ADGRL3: variants seen among roughly 807,000 people sequenced by gnomAD.
ADGRL3 encodes calcium-independent alpha-latrotoxin receptor 3.
A neutral mutation model predicts 153.5 loss-of-function variants in ADGRL3; 62 were observed. The ratio of observed to expected loss-of-function variants is 0.40; its 90% CI spans 0.33 to 0.50. The LOEUF (loss-of-function observed/expected upper bound fraction) is 0.50. Among genes scored for constraint, ADGRL3 ranks in the 20% least tolerant of loss-of-function variants. The pLI is 0.47. For synonymous variants in ADGRL3, 710 were observed against 672.5 expected (o/e 1.06, Z -0.86); for missense variants, 1,641 against 1,859.4 (o/e 0.88, Z 2.16).
chr4:61,761,623 G>A (rs1234901594), intron 8 of ADGRL3, among the ~76,000 whole-genome samples: 3 of 151,908 alleles, frequency 2.0e-5, no homozygotes, highest in Admixed American at 6.6e-5. Flanking sequence ...GCAAGATCCC[G>A]TCTCTACACA....
At chr4:61,549,131 C>G (rs1438054346) in intron 4 of ADGRL3, among the ~76,000 whole-genome samples, 2 of 151,844 alleles carry the variant, frequency 1.3e-5, no homozygotes, top group African/African-American at 4.8e-5. Context: ...TGATTTGGCT[C>G]TCAGCTTGAA....
chr4:61,216,776 A>C (rs1365985760), intron 1 of ADGRL3, among the ~76,000 whole-genome samples: 1 of 152,222 alleles, frequency 6.6e-6, no homozygotes, highest in African/African-American at 2.4e-5. Flanking sequence ...TGGAAAAGTT[A>C]CTTCACTTCT....
chr4:61,844,576 A>AAAATATATG (rs2098089494), intron 9 of ADGRL3, among the ~76,000 whole-genome samples: 5 of 9,464 alleles, frequency 5.3e-4, no homozygotes, highest in Non-Finnish European at 1.0e-3. Flanking sequence ...AAAAAAAAAA[A>AAAATATATG]TATATATATA....
At chr4:61,838,494 A>C (rs2097971963) in intron 9 of ADGRL3, among the ~76,000 whole-genome samples, 1 of 152,266 alleles carries the variant, frequency 6.6e-6, no homozygotes, top group East Asian at 1.9e-4. Flanking sequence ...TCATTCTTCT[A>C]TTTGTTAGAA....
At chr4:61,780,107 A>G (rs1438380430) in intron 8 of ADGRL3, among the ~76,000 whole-genome samples, 1 of 152,184 alleles carries the variant, frequency 6.6e-6, no homozygotes. Flanking sequence ...GTGGAGCAAT[A>G]TATATATACT....
At chr4:61,988,879 A>C (rs2099094716) in intron 19 of ADGRL3, among the ~76,000 whole-genome samples, 1 of 152,154 alleles carries the variant, frequency 6.6e-6, no homozygotes, top group Admixed American at 6.5e-5. Context: ...AACATTTATA[A>C]TTGATAAGAA....
chr4:61,693,817 A>G (rs2095584068), intron 6 of ADGRL3, among the ~76,000 whole-genome samples: 1 of 152,194 alleles, frequency 6.6e-6, no homozygotes, highest in African/African-American at 2.4e-5. Flanking sequence ...GAAATTTGGT[A>G]AAGACTATCT....
intron 11 of ADGRL3, among the ~76,000 whole-genome samples, chr4:61,908,105 C>A (rs2098704542): frequency 6.6e-6 from 1 of 151,846 alleles, no homozygotes; most frequent in Non-Finnish European, 1.5e-5. Context: ...GGAGCCCCAT[C>A]TCTACAAAAC....
chr4:61,403,150 G>A (rs1189810147), intron 2 of ADGRL3, among the ~76,000 whole-genome samples: 2 of 151,994 alleles, frequency 1.3e-5, no homozygotes, highest in Admixed American at 6.6e-5. Flanking sequence ...AACACAATAA[G>A]ATATACATAT....
chr4:61,429,552 C>T (rs10517535), intron 2 of ADGRL3, among the ~76,000 whole-genome samples: 1 of 151,842 alleles, frequency 6.6e-6, no homozygotes, highest in African/African-American at 2.4e-5. Context: ...GTAGCTTAGA[C>T]TTGGAGGAAA....
intron 2 of ADGRL3, among the ~76,000 whole-genome samples, chr4:61,460,643 GT>G (rs1351343811): frequency 6.6e-6 from 1 of 152,096 alleles, no homozygotes; most frequent in Non-Finnish European, 1.5e-5. Context: ...AGAAAAAGGG[GT>G]TTAGTATACT....
intron 2 of ADGRL3, among the ~76,000 whole-genome samples, chr4:61,482,507 G>C (rs1414903266): frequency 6.6e-6 from 1 of 152,040 alleles, no homozygotes; most frequent in East Asian, 1.9e-4. Context: ...GTGGAACCTA[G>C]GTGCTCCTGA....
intron 8 of ADGRL3, among the ~76,000 whole-genome samples, chr4:61,752,796 T>C (rs1467971205): frequency 2.6e-5 from 4 of 152,158 alleles, no homozygotes; most frequent in Middle Eastern, 3.4e-3. Context: ...TACCAGAGCA[T>C]GCTGGCATTC....
At chr4:61,415,506 T>A (rs886854279) in intron 2 of ADGRL3, among the ~76,000 whole-genome samples, 25 of 152,062 alleles carry the variant, frequency 1.6e-4, no homozygotes, top group Non-Finnish European at 3.2e-4. Flanking sequence ...AACAACAATG[T>A]TATGATCTTT....
rs79242230 is a variant in ADGRL3 at position 61,976,279 on chromosome 4, G to A, written c.2806-3284G>A. On this transcript the variant is annotated intron_variant, in intron 17 of 26. Coordinates refer to ENST00000683033, the MANE Select transcript of ADGRL3 (RefSeq NM_001387552.1). ...CACATTGGTACAACTATACCTAGGA[G>A]TTTAATTCAACTGGTCTTCCTCTTG... Among the ~76,000 whole-genome samples, 13 of 152,258 alleles carry A rather than the reference G, an allele frequency of 8.5e-5. No homozygotes were observed. In the East Asian group the frequency reaches 2.3e-3, roughly 27 times the overall value.
chr4:61,458,062 GTA>G (rs1200678334), intron 2 of ADGRL3, among the ~76,000 whole-genome samples: 1 of 151,770 alleles, frequency 6.6e-6, no homozygotes, highest in Non-Finnish European at 1.5e-5. Flanking sequence ...TTTGGAGTTA[GTA>G]TGTTTGCAGA....
chr4:61,985,798 C>T (rs919213640), intron 19 of ADGRL3, among the ~76,000 whole-genome samples: 1 of 151,770 alleles, frequency 6.6e-6, no homozygotes, highest in Non-Finnish European at 1.5e-5. Context: ...AACCATTTGT[C>T]TAAATATGCC....
At chr4:61,640,221 C>T (rs2093604160) in intron 5 of ADGRL3, among the ~76,000 whole-genome samples, 2 of 136,406 alleles carry the variant, frequency 1.5e-5, no homozygotes, top group Admixed American at 7.5e-5. Flanking sequence ...AGTATGTTTT[C>T]ATTTTGAATA....
rs181330496 is a variant in ADGRL3, at chr4:61,717,748, A to G, written c.584-12874A>G. Among the ~76,000 whole-genome samples, 519 of 152,214 alleles carry G rather than the reference A, an allele frequency of 3.4e-3. 3 individuals are homozygous for G. The highest frequency in any genetic ancestry group is 0.012 in the African/African-American group (493 of 41,530). ...TTTCATTATTTAAAAATGTAGCATA[A>G]TGGGGCTGGGCATTGTGGCTGACAC... On this transcript the variant is annotated intron_variant, in intron 6 of 26. Coordinates refer to ENST00000683033, the MANE Select transcript of ADGRL3 (RefSeq NM_001387552.1).
Sources: allele counts gnomAD v4.1 joint callset (sites outside exome capture counted in the v4.1 genomes callset), GRCh38; gene constraint gnomAD v4.1.1; transcripts MANE v1.5; gene names NCBI Gene and HGNC (gene_info 2026-07-23, HGNC 2026-07-21).